AKAP13: variants seen among roughly 807,000 people sequenced by gnomAD.
AKAP13 encodes the protein A-kinase anchor protein 13.
Under a neutral mutation model 264.5 loss-of-function variants are expected in AKAP13, and 80 were observed. The observed-to-expected ratio is 0.30, with a 90% confidence interval of 0.25 to 0.36. AKAP13 has a LOEUF of 0.36. Among genes scored for constraint, AKAP13 ranks in the 10% least tolerant of loss-of-function variants. AKAP13 has a pLI of 1.00. For missense variants in AKAP13, 3,712 were observed against 3,435.2 expected, an observed-to-expected ratio of 1.08 and a Z score of -2.01; for synonymous variants, 1,380 against 1,250.2, an observed-to-expected ratio of 1.10 and a Z score of -2.19.
intron 1 of AKAP13, among the ~76,000 whole-genome samples, chr15:85,419,933 T>C (rs1432161022): frequency 1.5e-5 from 2 of 132,008 alleles, no homozygotes; most frequent in South Asian, 4.7e-4. Context: ...AATCTGACTC[T>C]TGTTTTTTTT....
chr15:85,403,566 C>T (rs2071522740), intron 1 of AKAP13, among the ~76,000 whole-genome samples: 2 of 152,078 alleles, frequency 1.3e-5, no homozygotes, highest in Admixed American at 6.5e-5. Flanking sequence ...TGAGGTCGGG[C>T]GCAGTGGCTC....
chr15:85,659,127 A>T (rs1350107393), intron 12 of AKAP13, among the ~76,000 whole-genome samples: 1 of 152,240 alleles, frequency 6.6e-6, no homozygotes, highest in Admixed American at 6.5e-5. Context: ...GCATAAGTTC[A>T]TTCCTTGGCC....
chr15:85,667,277 A>T (rs1185640887), intron 13 of AKAP13, among the ~76,000 whole-genome samples: 1 of 152,200 alleles, frequency 6.6e-6, no homozygotes, highest in Non-Finnish European at 1.5e-5. Flanking sequence ...GAGACCAGAC[A>T]AATAAAGAGA....
intron 4 of AKAP13, chr15:85,534,173 T>C (rs1351196): frequency 0.51 from 208,028 of 406,256 alleles, 55,167 homozygotes; most frequent in Middle Eastern, 0.59. Flanking sequence ...GAAAGTGACA[T>C]GCTCTTCATG....
At position 85,510,522 on chromosome 15, in the gene AKAP13, T is replaced by C. The variant is rs951915905; in HGVS notation, c.34-10906T>C. 2.0e-5 allele frequency among the ~76,000 whole-genome samples: 3 copies of C among 152,234 alleles called. No homozygotes were observed. The East Asian group carries it at 5.8e-4, about 29-fold the overall frequency. On this transcript the variant is annotated intron_variant, in intron 2 of 36. Transcript: ENST00000394518. ...TTTAAGACTCATTTACCTGTCAACA[T>C]GATTTCATATAATGTTTGTATTTTA...
At chr15:85,406,404 T>TG (rs1226110328) in intron 1 of AKAP13, among the ~76,000 whole-genome samples, 6 of 147,798 alleles carry the variant, frequency 4.1e-5, no homozygotes, top group Non-Finnish European at 4.4e-5. Context: ...TAGTTTTTTT[T>TG]TTTGTTTTTT....
chr15:85,469,633 A>C (rs1392891043), intron 1 of AKAP13, among the ~76,000 whole-genome samples: 1 of 152,210 alleles, frequency 6.6e-6, no homozygotes, highest in Admixed American at 6.5e-5. Flanking sequence ...ACTGTTAAGC[A>C]GCATGCATTA....
At chr15:85,476,021 A>T (rs1456052734) in intron 1 of AKAP13, among the ~76,000 whole-genome samples, 1 of 152,336 alleles carries the variant, frequency 6.6e-6, no homozygotes, top group South Asian at 2.1e-4. Context: ...GCACAAAAAT[A>T]AAAGAAAAAT....
chr15:85,539,872 T>G (rs1048161021), intron 4 of AKAP13, among the ~76,000 whole-genome samples: 2 of 152,166 alleles, frequency 1.3e-5, no homozygotes, highest in Non-Finnish European at 2.9e-5. Context: ...ATCATAAGTA[T>G]TCAGATGGAA....
chr15:85,619,729 T>G (rs1437727503), intron 8 of AKAP13: 1 of 1,012,552 alleles, frequency 9.9e-7, no homozygotes, highest in African/African-American at 1.7e-5. Context: ...TTATTCTTTA[T>G]TTTTTTACTG....
intron 8 of AKAP13, among the ~76,000 whole-genome samples, chr15:85,610,922 T>C (rs752688498): frequency 6.6e-5 from 10 of 152,226 alleles, no homozygotes; most frequent in Non-Finnish European, 1.3e-4. Context: ...GAGGTTGCAG[T>C]GAGTCGACAT....
At chr15:85,659,701 T>G (rs147195874) in intron 12 of AKAP13, among the ~76,000 whole-genome samples, 1 of 150,804 alleles carries the variant, frequency 6.6e-6, no homozygotes, top group East Asian at 1.9e-4. Context: ...GACGACAGAT[T>G]GCTGGATGCA....
At chr15:85,598,477 C>T (rs2079916870) in intron 8 of AKAP13, among the ~76,000 whole-genome samples, 1 of 152,194 alleles carries the variant, frequency 6.6e-6, no homozygotes, top group African/African-American at 2.4e-5. Flanking sequence ...TGCACGAATC[C>T]CTTACTTTAA....
intron 1 of AKAP13, among the ~76,000 whole-genome samples, chr15:85,409,473 A>AG: frequency 6.6e-6 from 1 of 150,456 alleles, no homozygotes; most frequent in East Asian, 2.0e-4. Context: ...CCACCCTATC[A>AG]GGTCCATTAC....
intron 26 of AKAP13, 102 bp from the exon 27 acceptor site, chr15:85,726,308 G>A: frequency 1.2e-6 from 1 of 841,216 alleles, no homozygotes; most frequent in Non-Finnish European, 2.0e-6. Context: ...GTATAGGGGT[G>A]TATGTGTTGC....
rs1055880459 is a variant in AKAP13, at chr15:85,580,877, A to C, written c.2809A>C (p.Ile937Leu). Reference protein sequence around the residue: ...DKDKAVTCSSIKENALSSGTL... With the variant: ...DKDKAVTCSSLKENALSSGTL... ...GGATAAAGCGGTGACCTGTTCCTCTATTAAGGAAAATGCTCTCTCTTCAGG... is the reference window on the plus strand; with the variant it reads ...GGATAAAGCGGTGACCTGTTCCTCTCTTAAGGAAAATGCTCTCTCTTCAGG... Residue 937 changes from isoleucine (I) to leucine (L), a missense_variant, in exon 7 of 37, where the codon ATT (isoleucine) becomes CTT (leucine). By Grantham distance (5) the Ile-to-Leu change is conservative. This residue lies in a region of AKAP13 where 2,759 missense variants were observed against 2,411.7 expected (regional missense o/e 1.14). Coordinates refer to ENST00000394518, the MANE Select transcript of AKAP13 (RefSeq NM_007200.5). 6.2e-7 allele frequency: 1 copy of C among 1,614,064 alleles called. No individual in the cohort carries two copies. Among genetic ancestry groups the C allele is most frequent in the African/African-American group, 1.3e-5 (1 of 74,930 alleles).
In AKAP13 at chr15:85,727,807, GAA is replaced by G. The variant is rs1251310095; in HGVS notation, c.7087+346_7087+347del. Among the ~76,000 whole-genome samples, 1 of 152,182 alleles carries G rather than the reference GAA, an allele frequency of 6.6e-6. No homozygotes were observed. The highest frequency in any genetic ancestry group is 1.9e-4 in the East Asian group (1 of 5,198). ...CACATCTAAGATTAAAACAAGGAGA[GAA>G]AGGAATTTGGGGAAAAGAATTCTCC... On this transcript the variant is annotated intron_variant, in intron 29 of 36. Coordinates refer to ENST00000394518, the MANE Select transcript of AKAP13 (RefSeq NM_007200.5). This position sits in a 1 kb window ranked among gnomAD's most constrained non-coding sequence, Gnocchi z 5.3.
chr15:85,717,047 T>C (rs976722191), intron 20 of AKAP13: 2 of 430,840 alleles, frequency 4.6e-6, no homozygotes, highest in South Asian at 3.2e-5. Flanking sequence ...TTGCTTCTTA[T>C]CACTTTCTTT....
At chr15:85,743,921 A>T in intron 36 of AKAP13, 96 bp downstream of exon 36, 1 of 1,395,294 alleles carries the variant, frequency 7.2e-7, no homozygotes, top group Non-Finnish European at 9.5e-7. Context: ...TGAAAAGGGG[A>T]CAGTTCAGAT....
Sources: allele counts gnomAD v4.1 joint callset (sites outside exome capture counted in the v4.1 genomes callset), GRCh38; gene constraint gnomAD v4.1.1; regional missense constraint gnomAD v4.1.1; non-coding constraint Gnocchi (gnomAD v3.1); transcripts MANE v1.5; gene names NCBI Gene and HGNC (gene_info 2026-07-23, HGNC 2026-07-21).